EXOC4: variants seen among roughly 807,000 people sequenced by gnomAD.
The protein encoded by EXOC4 is SEC8-like 1.
Under a neutral mutation model 107.2 loss-of-function variants are expected in EXOC4, and 71 were observed. The ratio of observed to expected loss-of-function variants is 0.66; its 90% CI spans 0.55 to 0.81. The LOEUF is 0.81. Among genes scored for constraint, EXOC4 ranks in the 30% least tolerant of loss-of-function variants. EXOC4 has a pLI of 0.00. For missense variants in EXOC4, 1,108 were observed against 1,189.6 expected (o/e 0.93, Z 1.01); for synonymous variants, 456 against 441.2 (o/e 1.03, Z -0.42).
rs141965141 is a variant in EXOC4, at chr7:133,969,811, G to A, written c.2207-27681G>A. On this transcript the variant is annotated intron_variant, in intron 14 of 17. Transcript: ENST00000253861. ...GAGGTATCTCCCAGTCAGGAGACAC[G>A]GGGGTCAGGGACTCACTTGAGGAGG... is the stretch of plus-strand genomic sequence containing the variant. Among the ~76,000 whole-genome samples, 168 of 152,326 alleles carry A rather than the reference G, an allele frequency of 1.1e-3. 2 individuals carry two copies. In the East Asian group the frequency reaches 0.024, roughly 22 times the overall value.
rs181996261 is a variant in EXOC4 at position 133,445,945 on chromosome 7, G to A, written c.1183-29383G>A. Reference sequence around the variant, plus strand: ...GTGGGAGACTCAACTGAGCCCAGAAGGTCGAGATTGTAGTGAGCCGAGATT... The same window carrying A: ...GTGGGAGACTCAACTGAGCCCAGAAAGTCGAGATTGTAGTGAGCCGAGATT... On this transcript the variant is annotated intron_variant, in intron 7 of 17. Coordinates refer to ENST00000253861, the MANE Select transcript of EXOC4 (RefSeq NM_021807.4). 2.1e-3 allele frequency among the ~76,000 whole-genome samples: 316 copies of A among 151,780 alleles called. 2 individuals carry two copies. Among genetic ancestry groups the A allele is most frequent in the African/African-American group, 7.0e-3 (289 of 41,346 alleles).
chr7:133,445,164 T>C (rs1348217127), intron 7 of EXOC4, among the ~76,000 whole-genome samples: 1 of 152,176 alleles, frequency 6.6e-6, no homozygotes, highest in South Asian at 2.1e-4. Flanking sequence ...TCCTGACAAA[T>C]TGAAAATTTT....
chr7:133,941,013 CTTTCTTTT>C, intron 14 of EXOC4, among the ~76,000 whole-genome samples: 1 of 151,098 alleles, frequency 6.6e-6, no homozygotes, highest in South Asian at 2.1e-4. Context: ...AAATTATTTT[CTTTCTTTT>C]TTTCTTTTTT....
intron 11 of EXOC4, among the ~76,000 whole-genome samples, chr7:133,877,619 G>T (rs1347827124): frequency 2.0e-5 from 3 of 152,100 alleles, no homozygotes; most frequent in Non-Finnish European, 2.9e-5. Flanking sequence ...TCATTGCCCT[G>T]TGTGAACTCT....
At chr7:133,537,983 A>C (rs1800306315) in intron 9 of EXOC4, among the ~76,000 whole-genome samples, 3 of 152,118 alleles carry the variant, frequency 2.0e-5, no homozygotes, top group African/African-American at 7.2e-5. Context: ...CAACTACAAG[A>C]GCTTTCCCTG....
At chr7:133,869,290 G>A (rs961651287) in intron 11 of EXOC4, among the ~76,000 whole-genome samples, 2 of 151,874 alleles carry the variant, frequency 1.3e-5, no homozygotes, top group Admixed American at 6.6e-5. Context: ...ACATTGCAAC[G>A]TGGTATAATA....
At chr7:133,327,019 ATAAT>A (rs1795261953) in intron 5 of EXOC4, among the ~76,000 whole-genome samples, 1 of 152,136 alleles carries the variant, frequency 6.6e-6, no homozygotes, top group Admixed American at 6.5e-5. Flanking sequence ...GGCGTGGGAT[ATAAT>A]CTCCCGGTGT....
intron 10 of EXOC4, among the ~76,000 whole-genome samples, chr7:133,790,145 A>G (rs1361675759): frequency 2.0e-5 from 3 of 152,192 alleles, no homozygotes; most frequent in Admixed American, 6.5e-5. Flanking sequence ...ACAGTATGCA[A>G]TATGGTCAAT....
At chr7:133,973,550 A>C (rs537071489) in intron 14 of EXOC4, among the ~76,000 whole-genome samples, 1 of 152,296 alleles carries the variant, frequency 6.6e-6, no homozygotes, top group East Asian at 1.9e-4. Context: ...AGAAGTAACG[A>C]AGCTAGAGAG....
At chr7:134,004,456 C>G (rs1794597228) in intron 15 of EXOC4, among the ~76,000 whole-genome samples, 2 of 152,258 alleles carry the variant, frequency 1.3e-5, no homozygotes, top group Admixed American at 6.5e-5. Context: ...CCAAAGTAGT[C>G]TCCTTACACT....
intron 17 of EXOC4, among the ~76,000 whole-genome samples, chr7:134,057,351 C>T (rs1413938962): frequency 2.7e-5 from 4 of 148,028 alleles, no homozygotes; most frequent in Non-Finnish European, 4.4e-5. Context: ...CTATACAATC[C>T]GTTGTGAGAA....
chr7:133,769,589 A>T (rs1285123524), intron 10 of EXOC4, among the ~76,000 whole-genome samples: 4 of 151,856 alleles, frequency 2.6e-5, no homozygotes, highest in Non-Finnish European at 4.4e-5. Flanking sequence ...TCTTTTTATT[A>T]ACAATTGAAG....
At chr7:133,445,617 T>A (rs373003998) in intron 7 of EXOC4, among the ~76,000 whole-genome samples, 1 of 150,468 alleles carries the variant, frequency 6.6e-6, no homozygotes, top group Non-Finnish European at 1.5e-5. Flanking sequence ...GGACAGTTAC[T>A]ACAAACAAAC....
intron 14 of EXOC4, among the ~76,000 whole-genome samples, chr7:133,978,061 GCAGCCAAGCTTCAGT>G (rs1227576525): frequency 6.6e-6 from 1 of 152,222 alleles, no homozygotes; most frequent in African/African-American, 2.4e-5. Context: ...GCCAGTCACA[GCAGCCAAGCTTCAGT>G]CAGTGATAGG....
intron 9 of EXOC4, among the ~76,000 whole-genome samples, chr7:133,527,543 G>A (rs553563371): frequency 6.6e-6 from 1 of 152,164 alleles, no homozygotes; most frequent in East Asian, 1.9e-4. Flanking sequence ...ATCTTCCTAT[G>A]GTAAGTCTGC....
At chr7:133,556,657 A>G (rs1292199848) in intron 9 of EXOC4, among the ~76,000 whole-genome samples, 1 of 152,164 alleles carries the variant, frequency 6.6e-6, no homozygotes, top group Admixed American at 6.5e-5. Flanking sequence ...TACACAGGGA[A>G]TGTTACGATA....
chr7:133,293,508 G>GGCAGAT (rs1440489331), intron 3 of EXOC4, among the ~76,000 whole-genome samples: 3 of 152,140 alleles, frequency 2.0e-5, no homozygotes, highest in Admixed American at 6.5e-5. Context: ...TCTATTTTAA[G>GGCAGAT]GCAGATGCAG....
intron 10 of EXOC4, among the ~76,000 whole-genome samples, chr7:133,679,542 G>GTCCGTCCATCCA (rs1794141435): frequency 6.9e-6 from 1 of 145,348 alleles, no homozygotes; most frequent in African/African-American, 2.6e-5. Context: ...CCGTCCGTCC[G>GTCCGTCCATCCA]TCCATCCATC....
chr7:133,301,736 T>C (rs1243582980), intron 3 of EXOC4, among the ~76,000 whole-genome samples: 1 of 152,198 alleles, frequency 6.6e-6, no homozygotes, highest in Non-Finnish European at 1.5e-5. Flanking sequence ...AAACAGTTAC[T>C]GATGTCGTTT....
Sources: allele counts gnomAD v4.1 joint callset (sites outside exome capture counted in the v4.1 genomes callset), GRCh38; gene constraint gnomAD v4.1.1; transcripts MANE v1.5; gene names NCBI Gene and HGNC (gene_info 2026-07-23, HGNC 2026-07-21).